SULT2B1: variants seen among roughly 807,000 people sequenced by gnomAD.
SULT2B1 encodes sulfotransferase family 2B member 1, also known as sulfotransferase 2B1.
A neutral mutation model predicts 33.2 loss-of-function variants in SULT2B1; 16 were observed. The ratio of observed to expected loss-of-function variants is 0.48; its 90% confidence interval spans 0.33 to 0.73. SULT2B1 has a LOEUF of 0.73. Ranked by LOEUF, SULT2B1 falls within the 30% of genes least tolerant of loss-of-function variation. SULT2B1 has a pLI of 0.02. For missense variants in SULT2B1, 500 were observed against 506.0 expected, an observed-to-expected ratio of 0.99 and a Z score of 0.11; for synonymous variants, 186 against 200.5, an observed-to-expected ratio of 0.93 and a Z score of 0.61.
chr19:48,556,554 C>A (rs1345851204), intron 1 of SULT2B1, among the ~76,000 whole-genome samples: 1 of 151,916 alleles, frequency 6.6e-6, no homozygotes, highest in Non-Finnish European at 1.5e-5. Context: ...CCGTGGTGGG[C>A]CATCCTGCAG....
At chr19:48,575,781 A>G (rs1446040481) in intron 1 of SULT2B1, 160 bp from the exon 2 acceptor site, 1 of 1,331,412 alleles carries the variant, frequency 7.5e-7, no homozygotes, top group Non-Finnish European at 9.9e-7. Flanking sequence ...GCGCCTGACC[A>G]GCTTTATAAA....
chr19:48,574,882 C>G (rs550454957), intron 1 of SULT2B1, among the ~76,000 whole-genome samples: 5 of 152,078 alleles, frequency 3.3e-5, no homozygotes, highest in Non-Finnish European at 7.3e-5. Context: ...ATCACTAATT[C>G]CGCGCCCACG....
At chr19:48,589,586 A>G (rs547326657) in intron 3 of SULT2B1, among the ~76,000 whole-genome samples, 38 of 152,324 alleles carry the variant, frequency 2.5e-4, no homozygotes, top group African/African-American at 8.2e-4. Context: ...CTCAGGCTCA[A>G]CGACTTAGCA....
intron 1 of SULT2B1, chr19:48,575,740 C>G: frequency 1.1e-6 from 1 of 914,476 alleles, no homozygotes; most frequent in East Asian, 3.0e-5. Flanking sequence ...CTCTGTCTCC[C>G]AAAGTGCTGG....
At chr19:48,597,122 A>G (rs1973728693) in intron 6 of SULT2B1, among the ~76,000 whole-genome samples, 1 of 152,162 alleles carries the variant, frequency 6.6e-6, no homozygotes, top group South Asian at 2.1e-4. Flanking sequence ...GTCCCCATCC[A>G]GAGAACTCCC....
At chr19:48,581,938 T>C (rs1377415788) in intron 2 of SULT2B1, among the ~76,000 whole-genome samples, 1 of 150,202 alleles carries the variant, frequency 6.7e-6, no homozygotes, top group African/African-American at 2.5e-5. Flanking sequence ...GAAGTCTCGC[T>C]CTGTCGCCCA....
At chr19:48,563,400 G>A (rs1022453308) in intron 1 of SULT2B1, among the ~76,000 whole-genome samples, 1 of 152,118 alleles carries the variant, frequency 6.6e-6, no homozygotes, top group African/African-American at 2.4e-5. Context: ...AACCGCCGAG[G>A]TGTCCATTAA....
chr19:48,592,931 G>A, intron 5 of SULT2B1, 115 bp downstream of exon 5: 2 of 862,744 alleles, frequency 2.3e-6, no homozygotes, highest in South Asian at 1.6e-5. Context: ...CAATGCGCCA[G>A]CCCCTGGGGA....
intron 1 of SULT2B1, among the ~76,000 whole-genome samples, chr19:48,574,348 C>T (rs1973374098): frequency 2.0e-5 from 3 of 152,224 alleles, no homozygotes; most frequent in South Asian, 4.1e-4. Context: ...GTGGGCTCCA[C>T]CCTGGCCTCT....
intron 1 of SULT2B1, among the ~76,000 whole-genome samples, chr19:48,574,891 C>T (rs925517526): frequency 6.6e-6 from 1 of 152,080 alleles, no homozygotes; most frequent in Admixed American, 6.6e-5. Flanking sequence ...TCCGCGCCCA[C>T]GCTCAACCTA....
Position 48,587,707 on chromosome 19 carries a change from C to A in SULT2B1, c.423+270C>A, listed in dbSNP as rs563975632. ...AGGAGTTTGAGACCAGCTTGGGCAA[C>A]ATAGTCAGACCACATCATTACAAGA... On this transcript the variant is annotated intron_variant, in intron 3 of 6. Transcript: ENST00000201586. Among the ~76,000 whole-genome samples the A allele has an allele frequency of 3.2e-4, 49 of 151,154 alleles. 1 individual carries two copies. Among genetic ancestry groups the A allele is most frequent in the Non-Finnish European group, 6.2e-4 (42 of 67,872 alleles).
chr19:48,576,362 T>C (rs1568408435), intron 2 of SULT2B1, among the ~76,000 whole-genome samples: 2 of 118,624 alleles, frequency 1.7e-5, no homozygotes, highest in African/African-American at 3.3e-5. Context: ...TACTTCTCTT[T>C]TTTTTTTTTT....
In SULT2B1 at chr19:48,591,641, T is replaced by C. The variant is rs771786377; in HGVS notation, c.456T>C (p.Val152=). The part of the protein sequence containing the change: ...VIYMGRNPRD[V]VVSLYHYSKI... The stretch of plus-strand genomic sequence containing the variant: ...ACATGGGCCGCAACCCCCGGGACGT[T>C]GTGGTCTCCCTCTATCATTACTCCA... Residue 152 remains valine, a synonymous_variant, in exon 4 of 7, where the codon GTT becomes GTC. Coordinates refer to ENST00000201586, the MANE Select transcript of SULT2B1 (RefSeq NM_177973.2). 1.9e-6 allele frequency: 3 copies of C among 1,613,198 alleles called. No homozygotes were observed. Among genetic ancestry groups the C allele is most frequent in the South Asian group, 1.1e-5 (1 of 91,022 alleles).
chr19:48,569,361 A>AAATAT (rs1568405757), intron 1 of SULT2B1, among the ~76,000 whole-genome samples: 2 of 9,960 alleles, frequency 2.0e-4, no homozygotes, highest in African/African-American at 4.9e-4. Context: ...AAAAAAAAAA[A>AAATAT]ACATATATAT....
chr19:48,581,236 G>T (rs977768316), intron 2 of SULT2B1, among the ~76,000 whole-genome samples: 1 of 145,542 alleles, frequency 6.9e-6, no homozygotes, highest in Non-Finnish European at 1.5e-5. Context: ...TAGATCGGGG[G>T]TTTCTCCATG....
At chr19:48,559,834 G>T (rs760142296) in intron 1 of SULT2B1, among the ~76,000 whole-genome samples, 92 of 151,870 alleles carry the variant, frequency 6.1e-4, no homozygotes, top group Admixed American at 1.0e-3. Context: ...AAGAAAGCCT[G>T]CAGGGGCCAG....
chr19:48,553,982 C>T (rs1394875977), intron 1 of SULT2B1, among the ~76,000 whole-genome samples: 1 of 151,662 alleles, frequency 6.6e-6, no homozygotes, highest in Non-Finnish European at 1.5e-5. Flanking sequence ...TTTTTTTTAT[C>T]TCCGCGACGG....
chr19:48,576,360 T>TTTTCTTTTTTTC (rs1356271675), intron 2 of SULT2B1, among the ~76,000 whole-genome samples: 2,182 of 52,942 alleles, frequency 0.041, 121 homozygotes, highest in Non-Finnish European at 0.056. Flanking sequence ...TCTACTTCTC[T>TTTTCTTTTTTTC]TTTTTTTTTT....
chr19:48,578,738 G>A (rs1010846598), intron 2 of SULT2B1, among the ~76,000 whole-genome samples: 3 of 151,958 alleles, frequency 2.0e-5, no homozygotes, highest in South Asian at 2.1e-4. Context: ...CTATCCAGGC[G>A]TGGTGGTGCG....
Sources: gnomAD v4.1 joint callset for allele counts (sites outside exome capture counted in the v4.1 genomes callset) on GRCh38, gnomAD v4.1.1 for gene constraint, MANE v1.5 for transcripts, NCBI Gene and HGNC (gene_info 2026-07-23, HGNC 2026-07-21) for gene names.